GLIS3: variants seen among roughly 807,000 people sequenced by gnomAD.
GLIS3 encodes the protein zinc finger protein GLIS3.
In GLIS3, 53 loss-of-function variants were observed where a neutral mutation model predicts 78.6. That is an observed-to-expected ratio of 0.67 (90% CI 0.54 to 0.85). The LOEUF is 0.85. Among genes scored for constraint, GLIS3 ranks in the 40% least tolerant of loss-of-function variants. The pLI is 0.00. For missense variants in GLIS3, 1,703 were observed against 1,231.1 expected (o/e 1.38, Z -5.74); for synonymous variants, 684 against 509.9 (o/e 1.34, Z -4.60).
chr9:4,117,392 T>C (rs1224440496), intron 4 of GLIS3, among the ~76,000 whole-genome samples: 1 of 152,206 alleles, frequency 6.6e-6, no homozygotes, highest in Non-Finnish European at 1.5e-5. Context: ...AAAAAGTCAC[T>C]GCATATTTGC....
At chr9:4,063,174 C>G (rs1826801047) in intron 4 of GLIS3, among the ~76,000 whole-genome samples, 1 of 152,110 alleles carries the variant, frequency 6.6e-6, no homozygotes, top group Non-Finnish European at 1.5e-5. Flanking sequence ...GCACATTTCA[C>G]AATATTCCAG....
At position 4,030,080 on chromosome 9, in the gene GLIS3, C is replaced by G. The variant is rs1297077375; in HGVS notation, c.1710+87688G>C. The stretch of plus-strand genomic sequence containing the variant: ...TTCCACCAACAGTGTATGAAGGGCC[C>G]TTTTTCTCCACATCCTCACTAGAAT... On this transcript the variant is annotated intron_variant, in intron 4 of 10. Coordinates refer to ENST00000381971, the MANE Select transcript of GLIS3 (RefSeq NM_001042413.2). 2.6e-5 allele frequency among the ~76,000 whole-genome samples: 4 copies of G among 152,116 alleles called. No individual in the cohort carries two copies. In the East Asian group the frequency reaches 7.7e-4, roughly 29 times the overall value.
intron 4 of GLIS3, among the ~76,000 whole-genome samples, chr9:4,005,099 CT>C (rs1490497979): frequency 1.3e-5 from 2 of 152,186 alleles, no homozygotes; most frequent in Non-Finnish European, 2.9e-5. Flanking sequence ...ACAGCTCCCA[CT>C]TTCCCACATT....
intron 2 of GLIS3, among the ~76,000 whole-genome samples, chr9:4,208,088 A>G (rs926335707): frequency 1.3e-5 from 2 of 152,230 alleles, no homozygotes; most frequent in Admixed American, 1.3e-4. Flanking sequence ...GCCTGCCAAG[A>G]GCAGGCCTAA....
At chr9:3,933,609 A>G (rs2130783450) in intron 5 of GLIS3, among the ~76,000 whole-genome samples, 1 of 152,360 alleles carries the variant, frequency 6.6e-6, no homozygotes, top group East Asian at 1.9e-4. Context: ...GTAAGGTAAT[A>G]GAGCTGTGCT....
intron 2 of GLIS3, among the ~76,000 whole-genome samples, chr9:4,324,752 T>C (rs1030173790): frequency 2.0e-5 from 3 of 152,336 alleles, no homozygotes; most frequent in Non-Finnish European, 4.4e-5. Flanking sequence ...ATCACTTGAT[T>C]TGCTTTGTAC....
At chr9:3,908,683 A>G (rs969753473) in intron 6 of GLIS3, among the ~76,000 whole-genome samples, 25 of 146,212 alleles carry the variant, frequency 1.7e-4, no homozygotes, top group African/African-American at 6.4e-4. Context: ...AAAACAAGGC[A>G]CCATCAATTG....
At chr9:4,078,240 A>C (rs1456923554) in intron 4 of GLIS3, among the ~76,000 whole-genome samples, 1 of 152,124 alleles carries the variant, frequency 6.6e-6, no homozygotes, top group African/African-American at 2.4e-5. Flanking sequence ...ATTATGTCAA[A>C]CCCAATATGT....
At chr9:4,006,838 G>C (rs1182929311) in intron 4 of GLIS3, among the ~76,000 whole-genome samples, 1 of 152,226 alleles carries the variant, frequency 6.6e-6, no homozygotes, top group African/African-American at 2.4e-5. Flanking sequence ...TAAGGATGAA[G>C]GAACGGTTCT....
intron 2 of GLIS3, among the ~76,000 whole-genome samples, chr9:4,140,705 C>T (rs191016320): frequency 6.6e-6 from 1 of 152,036 alleles, no homozygotes; most frequent in East Asian, 1.9e-4. Context: ...ATGTTTATGG[C>T]AAGAAAATTC....
the GLIS3 span, among the ~76,000 whole-genome samples, chr9:4,480,630 A>G: frequency 6.6e-6 from 1 of 152,286 alleles, no homozygotes; most frequent in East Asian, 1.9e-4. Context: ...ATTCCTCTGT[A>G]ACAAATCATA....
chr9:4,305,507 C>T (rs1486698972), intron 4 of GLIS3: 2 of 152,304 alleles, frequency 1.3e-5, no homozygotes, highest in Admixed American at 1.3e-4. Flanking sequence ...CCCAGCTCCA[C>T]TGATGGGCTC....
rs960907236 is a variant in GLIS3 at position 4,138,607 on chromosome 9, G to T, written c.389-12666C>A. ...TGAGGAAGTATTATGGAGGCAGCAT[G>T]GGGGAAGCCGTAAAGAATGAGACAC... On this transcript the variant is annotated intron_variant, in intron 2 of 10. Coordinates refer to ENST00000381971, the MANE Select transcript of GLIS3 (RefSeq NM_001042413.2). 5.3e-5 allele frequency among the ~76,000 whole-genome samples: 8 copies of T among 152,152 alleles called. No homozygotes were observed. In the East Asian group the frequency reaches 1.3e-3, roughly 26 times the overall value.
At chr9:4,442,874 C>T in the GLIS3 span, among the ~76,000 whole-genome samples, 45 of 152,022 alleles carry the variant, frequency 3.0e-4, 1 homozygote, top group Middle Eastern at 0.02. Flanking sequence ...GTGTAGTTTC[C>T]CAGACCCCAG....
At chr9:4,297,236 GA>G (rs1816614568) in intron 1 of GLIS3, among the ~76,000 whole-genome samples, 1 of 152,192 alleles carries the variant, frequency 6.6e-6, no homozygotes, top group Non-Finnish European at 1.5e-5. Context: ...AAAGCTTTCA[GA>G]GGGGACAGAA....
At chr9:4,360,371 C>T in the GLIS3 span, among the ~76,000 whole-genome samples, 1 of 152,146 alleles carries the variant, frequency 6.6e-6, no homozygotes. Flanking sequence ...AGCCAAAGTC[C>T]ACTTGCTTTC....
chr9:4,112,047 G>C (rs1831254792), intron 4 of GLIS3, among the ~76,000 whole-genome samples: 1 of 152,180 alleles, frequency 6.6e-6, no homozygotes, highest in African/African-American at 2.4e-5. Context: ...GTGTTTGGAA[G>C]AGAGAACACT....
At chr9:4,040,919 G>A (rs1824758403) in intron 4 of GLIS3, among the ~76,000 whole-genome samples, 2 of 152,142 alleles carry the variant, frequency 1.3e-5, no homozygotes, top group Admixed American at 6.6e-5. Context: ...AAACTTGTTT[G>A]AAATACAAAA....
rs1272031055 is a variant in GLIS3 at position 3,826,189 on chromosome 9, CAAATG to C, written c.*2078_*2082del. The C allele has an allele frequency of 2.0e-5, 3 of 152,182 alleles. No individual in the cohort carries two copies. Among genetic ancestry groups the C allele is most frequent in the Non-Finnish European group, 4.4e-5 (3 of 68,028 alleles). 9.4% of individuals were successfully genotyped at this position (152,182 alleles called of 1,614,324 possible). The stretch of plus-strand genomic sequence containing the variant: ...CCTTTTCATCTTTTTTCTCATTGTA[CAAATG>C]AAATGAAATGTATTTTGAGTTCCTT... On this transcript the variant is annotated 3_prime_UTR_variant, in exon 11 of 11. Transcript: ENST00000381971.
Sources: allele counts gnomAD v4.1 joint callset (sites outside exome capture counted in the v4.1 genomes callset), GRCh38; gene constraint gnomAD v4.1.1; transcripts MANE v1.5; gene names NCBI Gene and HGNC (gene_info 2026-07-23, HGNC 2026-07-21).